The following CDK5RAP2 variants were observed in gnomAD, a reference collection of about 807,000 sequenced individuals.
The protein encoded by CDK5RAP2 is CDK5 regulatory subunit-associated protein 2.
A neutral mutation model predicts 232.9 loss-of-function variants in CDK5RAP2; 147 were observed. The ratio of observed to expected loss-of-function variants is 0.63; its 90% confidence interval spans 0.55 to 0.72. The LOEUF (loss-of-function observed/expected upper bound fraction) is 0.72. CDK5RAP2 is among the 30% of genes least tolerant of loss of function. CDK5RAP2 has a pLI of 0.00. For missense variants in CDK5RAP2, 2,195 were observed against 2,231.5 expected (o/e 0.98, Z 0.33); for synonymous variants, 833 against 833.7 (o/e 1.00, Z 0.01).
chr9:120,428,531 C>A (rs1299802759), intron 25 of CDK5RAP2, among the ~76,000 whole-genome samples: 1 of 152,230 alleles, frequency 6.6e-6, no homozygotes, highest in Non-Finnish European at 1.5e-5. Flanking sequence ...TTCCTCGACA[C>A]ATACACTATC....
intron 12 of CDK5RAP2, among the ~76,000 whole-genome samples, chr9:120,518,222 AG>A (rs1564327974): frequency 3.8e-4 from 55 of 145,482 alleles, no homozygotes; most frequent in African/African-American, 1.4e-3. Context: ...AGAGAGAGAG[AG>A]AGAGAGAGAG....
At position 120,411,366 on chromosome 9, in the gene CDK5RAP2, C is replaced by G; in HGVS notation, c.4406G>C (p.Gly1469Ala). The part of the protein sequence containing the change: ...NQALNAMLIK[G>A]SRDKQKENDK... The stretch of plus-strand genomic sequence containing the variant: ...ACTCCTTTAACTCTTACCTCTGGAT[C>G]CTTTAATGAGCATTGCATTGAGGGC... The change falls in exon 29 of 38, where the codon GGA becomes GCA. Residue 1469 changes from glycine to alanine, a missense_variant. Transcript: ENST00000349780. 6.3e-7 allele frequency: 1 copy of G among 1,584,038 alleles called. No individual in the cohort carries two copies. The highest frequency in any genetic ancestry group is 8.7e-7 in the Non-Finnish European group (1 of 1,152,632).
intron 36 of CDK5RAP2, among the ~76,000 whole-genome samples, chr9:120,393,676 G>A (rs2032204126): frequency 6.6e-6 from 1 of 152,228 alleles, no homozygotes; most frequent in Admixed American, 6.5e-5. Context: ...GGGAGGGAGT[G>A]CTGAGGGTTT....
intron 12 of CDK5RAP2, among the ~76,000 whole-genome samples, chr9:120,494,484 A>C (rs2039060315): frequency 6.6e-6 from 1 of 152,230 alleles, no homozygotes; most frequent in South Asian, 2.1e-4. Flanking sequence ...CACAGGAATC[A>C]ATTTGAAGGA....
At chr9:120,449,813 A>G (rs1444700235) in intron 21 of CDK5RAP2, among the ~76,000 whole-genome samples, 1 of 152,242 alleles carries the variant, frequency 6.6e-6, no homozygotes, top group East Asian at 1.9e-4. Flanking sequence ...TCAAATCACA[A>G]TAAAATACCA....
chr9:120,389,630 G>T, intron 37 of CDK5RAP2, 111 bp downstream of exon 37: 2 of 1,018,296 alleles, frequency 2.0e-6, no homozygotes, highest in Admixed American at 1.8e-5. Context: ...TCTCTGAGGA[G>T]GACATGTCCC....
At chr9:120,438,462 T>G (rs1266574132) in intron 24 of CDK5RAP2, among the ~76,000 whole-genome samples, 1 of 152,098 alleles carries the variant, frequency 6.6e-6, no homozygotes, top group Non-Finnish European at 1.5e-5. Flanking sequence ...TGGAGTAACA[T>G]GGGTAAACAT....
chr9:120,440,185 C>A (rs1046977793), intron 23 of CDK5RAP2: 2 of 593,678 alleles, frequency 3.4e-6, no homozygotes, highest in African/African-American at 3.7e-5. Flanking sequence ...CCCTCTTTAC[C>A]CCTCAGTTGT....
chr9:120,571,099 A>G lies in CDK5RAP2; in HGVS notation c.127+875T>C, dbSNP rs111362424. On this transcript the variant is annotated intron_variant, in intron 2 of 37. Coordinates refer to ENST00000349780, the MANE Select transcript of CDK5RAP2 (RefSeq NM_018249.6). ...CTTGAGTCCAAGAGGTCAAGGCTGC[A>G]GTGTGCGTGATCGCACCTCTGCACT... 6.3e-3 allele frequency among the ~76,000 whole-genome samples: 955 copies of G among 152,360 alleles called. 10 individuals are homozygous for G. The highest frequency in any genetic ancestry group is 0.021 in the African/African-American group (887 of 41,586).
chr9:120,477,689 C>T (rs1167372120), intron 14 of CDK5RAP2, among the ~76,000 whole-genome samples: 1 of 152,198 alleles, frequency 6.6e-6, no homozygotes, highest in Non-Finnish European at 1.5e-5. Flanking sequence ...AATACTGCTT[C>T]CAACAGCTGC....
intron 25 of CDK5RAP2, among the ~76,000 whole-genome samples, chr9:120,430,330 C>A (rs904454067): frequency 3.3e-5 from 5 of 152,094 alleles, no homozygotes; most frequent in Non-Finnish European, 7.4e-5. Context: ...AGGCAACCTA[C>A]AAAATGGGAG....
chr9:120,490,567 T>C (rs1320486754), intron 13 of CDK5RAP2, among the ~76,000 whole-genome samples: 1 of 152,248 alleles, frequency 6.6e-6, no homozygotes, highest in African/African-American at 2.4e-5. Context: ...ACCAGCTTGC[T>C]TCTTGTTGGC....
chr9:120,402,906 G>T lies in CDK5RAP2; in HGVS notation c.5207C>A (p.Ala1736Asp), dbSNP rs369647291. 1.9e-6 allele frequency: 3 copies of T among 1,614,102 alleles called. No homozygotes were observed. The Admixed American group carries it at 5.0e-5, about 27-fold the overall frequency. Residue 1736 changes from alanine (A) to aspartate (D), a missense_variant, in exon 34 of 38, where the codon GCC becomes GAC. Physicochemically the swap from Ala to Asp is moderately radical, Grantham distance 126. Transcript: ENST00000349780. ...HVLGLIEDYE[A>D]LLKQISQGQR... ...TCCCTGGCTGATCTGTTTGAGCAGGGCCTCATAGTCCTCAATCAGGCCCAG... is the reference window on the plus strand; with the variant it reads ...TCCCTGGCTGATCTGTTTGAGCAGGTCCTCATAGTCCTCAATCAGGCCCAG...
intron 2 of CDK5RAP2, among the ~76,000 whole-genome samples, chr9:120,571,389 G>A (rs1029265619): frequency 2.6e-5 from 4 of 152,136 alleles, no homozygotes; most frequent in Non-Finnish European, 5.9e-5. Context: ...CCACAGAGAC[G>A]CTTAAGCATT....
intron 12 of CDK5RAP2, among the ~76,000 whole-genome samples, chr9:120,502,924 A>G (rs2039640738): frequency 6.6e-6 from 1 of 152,242 alleles, no homozygotes; most frequent in African/African-American, 2.4e-5. Flanking sequence ...AGGCATTTTT[A>G]CACAAAACAT....
At chr9:120,474,484 C>CA (rs926875090) in intron 15 of CDK5RAP2, among the ~76,000 whole-genome samples, 24 of 151,996 alleles carry the variant, frequency 1.6e-4, no homozygotes, top group African/African-American at 5.8e-4. Context: ...GCCCTCATGA[C>CA]AAAAAAATTA....
rs1187935206 is a variant in CDK5RAP2 at position 120,388,911 on chromosome 9, CTG to C, written c.*323_*324del. 1 of 411,888 alleles carries C rather than the reference CTG, an allele frequency of 2.4e-6. No individual in the cohort carries two copies. Among genetic ancestry groups the C allele is most frequent in the Non-Finnish European group, 4.3e-6 (1 of 230,624 alleles). The allele number at this position is 411,888 out of a possible 1,614,324, so 25.5% of individuals were successfully genotyped here. On this transcript the variant is annotated 3_prime_UTR_variant, in exon 38 of 38. Transcript: ENST00000349780. Reference sequence around the variant, plus strand: ...GAATCATTTAATGAGAATCTTCAAACTGTGGCACTGGCTGAGTACTAAGCAAA... The same window carrying C: ...GAATCATTTAATGAGAATCTTCAAACTGGCACTGGCTGAGTACTAAGCAAA...
At chr9:120,532,136 C>T (rs2041182213) in intron 7 of CDK5RAP2, among the ~76,000 whole-genome samples, 1 of 151,994 alleles carries the variant, frequency 6.6e-6, no homozygotes, top group Non-Finnish European at 1.5e-5. Context: ...AGCCTCAATC[C>T]AGCAAGATGA....
intron 5 of CDK5RAP2, among the ~76,000 whole-genome samples, chr9:120,543,676 T>A (rs1048104790): frequency 4.6e-5 from 7 of 152,094 alleles, no homozygotes; most frequent in Non-Finnish European, 1.0e-4. Flanking sequence ...CTGGCCAACA[T>A]GGTGAAACCC....
Sources: allele counts gnomAD v4.1 joint callset (sites outside exome capture counted in the v4.1 genomes callset), GRCh38; gene constraint gnomAD v4.1.1; transcripts MANE v1.5; gene names NCBI Gene and HGNC (gene_info 2026-07-23, HGNC 2026-07-21).